The following FBXO47 variants were observed in gnomAD, a reference collection of about 807,000 sequenced individuals.
FBXO47 encodes the protein F-box protein 47.
In FBXO47, 34 loss-of-function variants were observed where a neutral mutation model predicts 53.9. The observed-to-expected ratio is 0.63, with a 90% confidence interval of 0.48 to 0.84. FBXO47 has a LOEUF of 0.84. FBXO47 is among the 40% of genes least tolerant of loss of function. The probability of loss-of-function intolerance (pLI) is 0.00; values close to 1 mark genes in which losing one functional copy is unlikely to be tolerated. For missense variants in FBXO47, 485 were observed against 541.3 expected (o/e 0.90, Z 1.03); for synonymous variants, 165 against 181.6 (o/e 0.91, Z 0.73).
chr17:38,955,426 A>G (rs1275423332), intron 4 of FBXO47, among the ~76,000 whole-genome samples: 2 of 149,720 alleles, frequency 1.3e-5, no homozygotes, highest in African/African-American at 4.9e-5. Context: ...AGGAGTTCAC[A>G]ATTTATTTAA....
At chr17:38,946,155 A>T (rs1239626436) in intron 6 of FBXO47, among the ~76,000 whole-genome samples, 1 of 113,910 alleles carries the variant, frequency 8.8e-6, no homozygotes, top group Non-Finnish European at 1.7e-5. Context: ...TAAATACATA[A>T]AAATATATAA....
intron 6 of FBXO47, among the ~76,000 whole-genome samples, chr17:38,946,880 AT>A (rs1401914796): frequency 1.7e-4 from 20 of 116,548 alleles, no homozygotes; most frequent in African/African-American, 6.6e-4. Flanking sequence ...AAACATATAT[AT>A]AAATATATAT....
intron 6 of FBXO47, among the ~76,000 whole-genome samples, chr17:38,948,507 G>A (rs1318889979): frequency 4.6e-5 from 7 of 151,884 alleles, no homozygotes; most frequent in East Asian, 1.9e-4. Context: ...GAGCCACCAC[G>A]CCCCGCCCCT....
Position 38,962,022 on chromosome 17 carries a change from C to T in FBXO47, c.207G>A (p.Met69Ile). Residue 69 changes from methionine (M) to isoleucine (I), a missense_variant, in exon 3 of 11, where the codon ATG becomes ATA. Coordinates refer to ENST00000378079, the MANE Select transcript of FBXO47 (RefSeq NM_001008777.3). ...LSVKDISMLSMVSKTVSQHII... is the reference protein window; with the variant it reads ...LSVKDISMLSIVSKTVSQHII... ...TGTGTTGGCTGACTGTTTTGGACAC[C>T]ATGCTTAGCATGCTGATATCCTTCA... The T allele has an allele frequency of 1.9e-6, 3 of 1,612,222 alleles. No homozygotes were observed. The highest frequency in any genetic ancestry group is 1.3e-5 in the African/African-American group (1 of 74,886).
Position 38,961,881 on chromosome 17 carries a change from A to G in FBXO47, c.348T>C (p.Ser116=). The change falls in exon 3 of 11, where the codon TCT becomes TCC. Residue 116 remains serine (S), a synonymous_variant. Coordinates refer to ENST00000378079, the MANE Select transcript of FBXO47 (RefSeq NM_001008777.3). The part of the protein sequence containing the change: ...QDSAILEHYR[S]LGLLFKRCTL... ...AATTCTCATTACATAAGTTACCTAG[A>G]GATCTGTAGTGCTCCAGTATAGCAG... The G allele has an allele frequency of 1.2e-6, 2 of 1,609,092 alleles. No homozygotes were observed. The highest frequency in any genetic ancestry group is 4.5e-5 in the East Asian group (2 of 44,826).
Position 38,943,737 on chromosome 17 carries a change from C to T in FBXO47, c.794-1G>A. On this transcript the variant is annotated splice_acceptor_variant, in intron 7 of 10. Coordinates refer to ENST00000378079, the MANE Select transcript of FBXO47 (RefSeq NM_001008777.3). LOFTEE classifies it high-confidence loss of function. ...ATCATTTCCTGCCAAACCACCTGTC[C>T]TGAATTGAAACAAAAACGAGGCTAT... 3.8e-6 allele frequency: 6 copies of T among 1,598,910 alleles called. No homozygotes were observed. The highest frequency in any genetic ancestry group is 5.1e-6 in the Non-Finnish European group (6 of 1,176,042).
chr17:38,943,013 G>GA, intron 8 of FBXO47, 93 bp from the exon 9 acceptor site: 2 of 1,114,710 alleles, frequency 1.8e-6, no homozygotes, highest in South Asian at 3.4e-5. Flanking sequence ...ATCTTTATTG[G>GA]AAATACAATT....
Position 38,962,011 on chromosome 17 carries a change from G to A in FBXO47, c.218C>T (p.Thr73Ile), listed in dbSNP as rs779550209. The A allele has an allele frequency of 1.8e-5, 29 of 1,613,562 alleles. No individual in the cohort carries two copies. The highest frequency in any genetic ancestry group is 2.1e-5 in the Non-Finnish European group (25 of 1,179,886). ...ATAATTAATAATGTGTTGGCTGACTGTTTTGGACACCATGCTTAGCATGCT... is the reference window on the plus strand; with the variant it reads ...ATAATTAATAATGTGTTGGCTGACTATTTTGGACACCATGCTTAGCATGCT... ...DISMLSMVSKTVSQHIINYIS... is the reference protein window; with the variant it reads ...DISMLSMVSKIVSQHIINYIS... The change falls in exon 3 of 11, where the codon ACA (threonine) becomes ATA (isoleucine). Residue 73 changes from threonine (T) to isoleucine (I), a missense_variant. Thr to Ile is a moderately conservative substitution (Grantham distance 89, BLOSUM62 -1). Coordinates refer to ENST00000378079, the MANE Select transcript of FBXO47 (RefSeq NM_001008777.3).
intron 3 of FBXO47, among the ~76,000 whole-genome samples, chr17:38,960,731 A>G (rs1451065557): frequency 6.7e-6 from 1 of 149,698 alleles, no homozygotes; most frequent in African/African-American, 2.5e-5. Flanking sequence ...TCCTGGGTTC[A>G]AGCAATTCTC....
chr17:38,946,670 A>AAC (rs1216360054), intron 6 of FBXO47, among the ~76,000 whole-genome samples: 5 of 52,832 alleles, frequency 9.5e-5, no homozygotes, highest in Admixed American at 3.1e-4. Context: ...ATATATAAAT[A>AAC]TATATAAATA....
chr17:38,959,057 T>A (rs756928134), intron 3 of FBXO47, among the ~76,000 whole-genome samples: 1 of 152,000 alleles, frequency 6.6e-6, no homozygotes. Flanking sequence ...CATGTGTGAC[T>A]GCATCCAGCC....
In FBXO47 at chr17:38,954,933, C is replaced by A; in HGVS notation, c.430G>T (p.Val144Phe). 6.2e-7 allele frequency: 1 copy of A among 1,606,520 alleles called. No individual in the cohort carries two copies. The change falls in exon 5 of 11, where the codon GTT becomes TTT. Residue 144 changes from valine (V) to phenylalanine (F), a missense_variant and splice_region_variant. Coordinates refer to ENST00000378079, the MANE Select transcript of FBXO47 (RefSeq NM_001008777.3). ...CAGCCATTGAATTTAAAGCAGGAAA[C>A]CTGTAAAGAAAACAATGTTAATACC... ...LKYIHKILTE[V>F]SCFKFNGCAA...
chr17:38,952,815 CTTT>C (rs139105548), intron 5 of FBXO47, among the ~76,000 whole-genome samples: 83 of 115,342 alleles, frequency 7.2e-4, no homozygotes, highest in African/African-American at 8.9e-4. Flanking sequence ...TTATTTATGA[CTTT>C]TTTTTTTTTT....
chr17:38,957,113 GATA>G (rs1346439161), intron 4 of FBXO47, 61 bp downstream of exon 4: 14 of 1,091,674 alleles, frequency 1.3e-5, no homozygotes, highest in South Asian at 5.3e-5. Flanking sequence ...ATGAGCATAA[GATA>G]ATAATAAAAT....
At chr17:38,947,060 A>AT (rs1904969601) in intron 6 of FBXO47, among the ~76,000 whole-genome samples, 1 of 140,282 alleles carries the variant, frequency 7.1e-6, no homozygotes, top group Non-Finnish European at 1.5e-5. Flanking sequence ...AAACATATAT[A>AT]AATATATATA....
chr17:38,962,781 T>C, intron 2 of FBXO47, 64 bp downstream of exon 2: 2 of 1,208,070 alleles, frequency 1.7e-6, no homozygotes, highest in Non-Finnish European at 2.3e-6. Context: ...ACAAACTAGT[T>C]CTTGGGAAAA....
intron 6 of FBXO47, among the ~76,000 whole-genome samples, chr17:38,945,948 A>AAAAAAAAAAAAAT (rs1184511532): frequency 2.6e-5 from 3 of 117,158 alleles, no homozygotes; most frequent in African/African-American, 1.1e-4. Context: ...AAAAAAAAAA[A>AAAAAAAAAAAAAT]ATATATATAT....
chr17:38,943,028 C>T (rs1345468982), intron 8 of FBXO47, 108 bp from the exon 9 acceptor site: 1 of 1,017,772 alleles, frequency 9.8e-7, no homozygotes, highest in African/African-American at 1.6e-5. Context: ...ACAATTAGTG[C>T]CAAGGGAAAT....
Position 38,953,493 on chromosome 17 carries a change from C to T in FBXO47, c.507+1363G>A, listed in dbSNP as rs1486763879. Among the ~76,000 whole-genome samples, 7 of 151,830 alleles carry T rather than the reference C, an allele frequency of 4.6e-5. No individual in the cohort carries two copies. The East Asian group carries it at 5.8e-4, about 13-fold the overall frequency. ...TACAAAAATTAGCTGGGTGTGGTAGCGCATACCTGTAATCCCACCTACTTG... is the reference window on the plus strand; with the variant it reads ...TACAAAAATTAGCTGGGTGTGGTAGTGCATACCTGTAATCCCACCTACTTG... On this transcript the variant is annotated intron_variant, in intron 5 of 10. Coordinates refer to ENST00000378079, the MANE Select transcript of FBXO47 (RefSeq NM_001008777.3).
Sources: gnomAD v4.1 joint callset for allele counts (sites outside exome capture counted in the v4.1 genomes callset) on GRCh38, gnomAD v4.1.1 for gene constraint, MANE v1.5 for transcripts, NCBI Gene and HGNC (gene_info 2026-07-23, HGNC 2026-07-21) for gene names.